Variants in NHLRC2 observed in about 807,000 individuals in gnomAD.
The protein encoded by NHLRC2 is NHL repeat containing 2.
In NHLRC2, 33 loss-of-function variants were observed where a neutral mutation model predicts 68.1. The ratio of observed to expected loss-of-function variants is 0.48; its 90% CI spans 0.37 to 0.65. NHLRC2 has a LOEUF of 0.65. NHLRC2 is among the 30% of genes least tolerant of loss of function. NHLRC2 has a pLI of 0.00. For missense variants in NHLRC2, 761 were observed against 853.8 expected (o/e 0.89, Z 1.35); for synonymous variants, 311 against 309.6 (o/e 1.00, Z -0.05).
rs763648961 is a variant in NHLRC2 at position 113,915,847 on chromosome 10, C to G, written c.*7311C>G. On this transcript the variant is annotated 3_prime_UTR_variant, in exon 11 of 11. Transcript: ENST00000369301. ...TAGAGATGGGGACTTGCTATGTTGC[C>G]CAGACTGGTCTCGAACTCCTGGCCT... is the stretch of plus-strand genomic sequence containing the variant. 6.6e-6 allele frequency: 1 copy of G among 152,410 alleles called. No homozygotes were observed. Among genetic ancestry groups the G allele is most frequent in the Non-Finnish European group, 1.5e-5 (1 of 68,464 alleles). 9.4% of individuals were successfully genotyped at this position (152,410 alleles called of 1,614,324 possible). A position where few individuals can be genotyped will look rare whatever the true frequency, so the allele number is the denominator to read the frequency against.
chr10:113,910,299 C>G lies in NHLRC2; in HGVS notation c.*1763C>G, dbSNP rs899641343. The G allele has an allele frequency of 6.6e-6, 1 of 152,268 alleles. No individual in the cohort carries two copies. The highest frequency in any genetic ancestry group is 1.5e-5 in the Non-Finnish European group (1 of 68,104). The allele number at this position is 152,268 out of a possible 1,614,324, so 9.4% of individuals were successfully genotyped here. On this transcript the variant is annotated 3_prime_UTR_variant, in exon 11 of 11. Transcript: ENST00000369301. Reference sequence around the variant, plus strand: ...CACTGCAACCTCTACCTCCTGGGTTCAAGAGATTTTCCTGCCTCAGCCTCC... The same window carrying G: ...CACTGCAACCTCTACCTCCTGGGTTGAAGAGATTTTCCTGCCTCAGCCTCC...
chr10:113,878,863 C>A (rs1204514507), intron 3 of NHLRC2, among the ~76,000 whole-genome samples: 1 of 152,082 alleles, frequency 6.6e-6, no homozygotes, highest in Non-Finnish European at 1.5e-5. Context: ...GTTACACTAC[C>A]TTTTTATGGT....
rs374491329 is a variant in NHLRC2, at chr10:113,859,732, TTATGTGCAGGG to T, written c.331+1055_331+1065del. On this transcript the variant is annotated intron_variant, in intron 2 of 10. Transcript: ENST00000369301. ...GACATCACGTTTATTGAACATGTTG[TTATGTGCAGGG>T]TACTCTGCTAACTGCTGAGGAAATA... Among the ~76,000 whole-genome samples, 358 of 152,334 alleles carry T rather than the reference TTATGTGCAGGG, an allele frequency of 2.4e-3. 1 individual carries two copies. The highest frequency in any genetic ancestry group is 7.8e-3 in the African/African-American group (326 of 41,576).
At chr10:113,859,590 T>A (rs543234804) in intron 2 of NHLRC2, among the ~76,000 whole-genome samples, 7 of 152,228 alleles carry the variant, frequency 4.6e-5, no homozygotes, top group Non-Finnish European at 1.0e-4. Flanking sequence ...AAATGATTTA[T>A]CAAGAACTCA....
chr10:113,901,064 T>A (rs1045426149), intron 6 of NHLRC2, among the ~76,000 whole-genome samples: 2 of 152,324 alleles, frequency 1.3e-5, no homozygotes, highest in Admixed American at 6.5e-5. Flanking sequence ...AGAAATTGAT[T>A]TGTACAATCG....
intron 2 of NHLRC2, among the ~76,000 whole-genome samples, chr10:113,861,393 A>G (rs1845814801): frequency 6.6e-6 from 1 of 152,230 alleles, no homozygotes; most frequent in South Asian, 2.1e-4. Context: ...CCTAAAACCA[A>G]AGAGAGAATT....
rs1846311921 is a variant in NHLRC2, at chr10:113,910,036, G to A, written c.*1500G>A. Reference sequence around the variant, plus strand: ...TTGATTTAATTAGTCATCTACTGAAGCTACTTTTAAAGAGAAATATAGATA... The same window carrying A: ...TTGATTTAATTAGTCATCTACTGAAACTACTTTTAAAGAGAAATATAGATA... On this transcript the variant is annotated 3_prime_UTR_variant, in exon 11 of 11. Transcript: ENST00000369301. 6.6e-6 allele frequency: 1 copy of A among 152,136 alleles called. No homozygotes were observed. The highest frequency in any genetic ancestry group is 1.5e-5 in the Non-Finnish European group (1 of 68,024). The allele number at this position is 152,136 out of a possible 1,614,324, so 9.4% of individuals were successfully genotyped here. A position where few individuals can be genotyped will look rare whatever the true frequency, so the allele number is the denominator to read the frequency against.
Position 113,879,472 on chromosome 10 carries a change from T to C in NHLRC2, c.788-102T>C, listed in dbSNP as rs920554094. 4 of 1,057,798 alleles carry C rather than the reference T, an allele frequency of 3.8e-6. No individual in the cohort carries two copies. In the African/African-American group the frequency reaches 6.7e-5, roughly 18 times the overall value. The allele number at this position is 1,057,798 out of a possible 1,614,324, so 65.5% of individuals were successfully genotyped here. On this transcript the variant is annotated intron_variant, in intron 3 of 10. Coordinates refer to ENST00000369301, the MANE Select transcript of NHLRC2 (RefSeq NM_198514.4). The stretch of plus-strand genomic sequence containing the variant: ...TTTTAGTTTTTAGATGGACATACCA[T>C]TTTTTTATATTAAAATCCCAGCATT...
chr10:113,887,697 G>A (rs753145792), intron 5 of NHLRC2, among the ~76,000 whole-genome samples: 4 of 152,042 alleles, frequency 2.6e-5, no homozygotes, highest in African/African-American at 4.8e-5. Context: ...ACTTGAACCC[G>A]GGAGGCGGAG....
chr10:113,914,885 A>G lies in NHLRC2; in HGVS notation c.*6349A>G, dbSNP rs1254995406. ...AGTCAGAGGCTTTACTAATCTACCT[A>G]TATGTATTCCATGGCTAACAAACCC... is the stretch of plus-strand genomic sequence containing the variant. On this transcript the variant is annotated 3_prime_UTR_variant, in exon 11 of 11. Coordinates refer to ENST00000369301, the MANE Select transcript of NHLRC2 (RefSeq NM_198514.4). 3 of 414,162 alleles carry G rather than the reference A, an allele frequency of 7.2e-6. No homozygotes were observed. The highest frequency in any genetic ancestry group is 2.1e-5 in the African/African-American group (1 of 48,292). 25.7% of individuals were successfully genotyped at this position (414,162 alleles called of 1,614,324 possible). A position where few individuals can be genotyped will look rare whatever the true frequency, so the allele number is the denominator to read the frequency against.
At chr10:113,883,370 G>C in intron 4 of NHLRC2, among the ~76,000 whole-genome samples, 1 of 151,838 alleles carries the variant, frequency 6.6e-6, no homozygotes, top group Non-Finnish European at 1.5e-5. Context: ...GGGAATACAT[G>C]TACATTTTCT....
chr10:113,877,708 T>C (rs1845997366), intron 3 of NHLRC2, among the ~76,000 whole-genome samples: 1 of 152,212 alleles, frequency 6.6e-6, no homozygotes, highest in African/African-American at 2.4e-5. Context: ...AATTCATTTC[T>C]TTGCAATCCT....
intron 10 of NHLRC2, 73 bp downstream of exon 10, chr10:113,905,109 T>C: frequency 1.2e-6 from 1 of 835,622 alleles, no homozygotes; most frequent in East Asian, 2.8e-5. Context: ...TTTTATTTGT[T>C]AGGTGATATT....
At chr10:113,901,533 G>T in intron 6 of NHLRC2, 133 bp from the exon 7 acceptor site, 1 of 646,184 alleles carries the variant, frequency 1.5e-6, no homozygotes. Context: ...AATTTAACTA[G>T]ACCAAGATCA....
At chr10:113,896,300 A>G (rs954960313) in intron 5 of NHLRC2, among the ~76,000 whole-genome samples, 10 of 152,104 alleles carry the variant, frequency 6.6e-5, no homozygotes, top group African/African-American at 2.4e-4. Flanking sequence ...GATTAAGAAA[A>G]TGTGGCACAT....
At chr10:113,897,065 G>A (rs571723350) in intron 5 of NHLRC2, among the ~76,000 whole-genome samples, 17 of 151,878 alleles carry the variant, frequency 1.1e-4, no homozygotes, top group Admixed American at 1.3e-4. Flanking sequence ...TCCAAATTAA[G>A]TTAGAATGAA....
intron 4 of NHLRC2, among the ~76,000 whole-genome samples, chr10:113,880,329 GCATA>G (rs980271433): frequency 1.3e-5 from 2 of 151,644 alleles, no homozygotes; most frequent in African/African-American, 4.8e-5. Context: ...ATGATGCTAT[GCATA>G]CATAATGTTT....
Position 113,909,556 on chromosome 10 carries a change from GT to G in NHLRC2, c.*1021del, listed in dbSNP as rs573021418. On this transcript the variant is annotated 3_prime_UTR_variant, in exon 11 of 11. Coordinates refer to ENST00000369301, the MANE Select transcript of NHLRC2 (RefSeq NM_198514.4). ...TTAAAAGTGAAATTTTCAGTGTGAGGTGCTTTCATGCTATTAATAGATACAG... is the reference window on the plus strand; with the variant it reads ...TTAAAAGTGAAATTTTCAGTGTGAGGGCTTTCATGCTATTAATAGATACAG... 2.0e-5 allele frequency: 3 copies of G among 151,968 alleles called. No individual in the cohort carries two copies. In the South Asian group the frequency reaches 6.2e-4, roughly 32 times the overall value. 9.4% of individuals were successfully genotyped at this position (151,968 alleles called of 1,614,324 possible).
chr10:113,899,030 C>T (rs1164986630), intron 6 of NHLRC2, among the ~76,000 whole-genome samples: 1 of 152,070 alleles, frequency 6.6e-6, no homozygotes, highest in Non-Finnish European at 1.5e-5. Context: ...ATACCCCAGG[C>T]AGAACTGGCC....
Sources: gnomAD v4.1 joint callset for allele counts (sites outside exome capture counted in the v4.1 genomes callset) on GRCh38, gnomAD v4.1.1 for gene constraint, MANE v1.5 for transcripts, NCBI Gene and HGNC (gene_info 2026-07-23, HGNC 2026-07-21) for gene names.